Variants in ADGRV1 observed in about 807,000 individuals in gnomAD.
ADGRV1 encodes G-protein coupled receptor 98.
In ADGRV1, 359 loss-of-function variants were observed where a neutral mutation model predicts 596.2. The ratio of observed to expected loss-of-function variants is 0.60; its 90% CI spans 0.55 to 0.66. The LOEUF is 0.66. Ranked by LOEUF, ADGRV1 falls within the 30% of genes least tolerant of loss-of-function variation. The probability of loss-of-function intolerance (pLI) is 0.00; values close to 1 mark genes in which losing one functional copy is unlikely to be tolerated. For missense variants in ADGRV1, 7,274 were observed against 7,575.6 expected (o/e 0.96, Z 1.48); for synonymous variants, 2,681 against 2,679.2 (o/e 1.00, Z -0.02).
In ADGRV1 at chr5:90,720,102, G is replaced by C. The variant is rs1230887114; in HGVS notation, c.9502G>C (p.Val3168Leu). Residue 3168 changes from valine (V) to leucine (L), a missense_variant, in exon 44 of 90, where the codon GTT (valine) becomes CTT (leucine). By Grantham distance (32) the Val-to-Leu change is conservative. This residue lies in a region of ADGRV1 where 3,643 missense variants were observed against 3,809.2 expected (regional missense o/e 0.96). Transcript: ENST00000405460. The stretch of plus-strand genomic sequence containing the variant: ...GGAACCAGAAATGGATGAGTATTTT[G>C]TTTGCACCTTGTTTAATCCAACTGG... Reference protein sequence around the residue: ...DTEPEMDEYFVCTLFNPTGGA... With the variant: ...DTEPEMDEYFLCTLFNPTGGA... The C allele has an allele frequency of 6.2e-7, 1 of 1,613,584 alleles. No individual in the cohort carries two copies. The highest frequency in any genetic ancestry group is 8.5e-7 in the Non-Finnish European group (1 of 1,179,682).
chr5:91,078,843 C>T (rs1362673273), intron 86 of ADGRV1, among the ~76,000 whole-genome samples: 2 of 152,200 alleles, frequency 1.3e-5, no homozygotes, highest in Admixed American at 1.3e-4. Flanking sequence ...AGAAATAGTA[C>T]ATTATTTTAA....
At chr5:90,649,438 A>G (rs1011384198) in intron 17 of ADGRV1, among the ~76,000 whole-genome samples, 1 of 152,200 alleles carries the variant, frequency 6.6e-6, no homozygotes, top group Non-Finnish European at 1.5e-5. Context: ...ATGGTTAAAT[A>G]GTGAATGAAT....
intron 83 of ADGRV1, among the ~76,000 whole-genome samples, chr5:90,961,608 G>T (rs145333244): frequency 3.3e-5 from 5 of 151,604 alleles, no homozygotes; most frequent in African/African-American, 1.2e-4. Context: ...GGAGCACTGA[G>T]AATTGAGGTT....
At chr5:90,567,091 G>T (rs1755734296) in intron 1 of ADGRV1, among the ~76,000 whole-genome samples, 1 of 151,612 alleles carries the variant, frequency 6.6e-6, no homozygotes. Context: ...CTATTAATTT[G>T]GTACATTGCA....
At chr5:90,897,079 C>T (rs1057110674) in intron 83 of ADGRV1, among the ~76,000 whole-genome samples, 10 of 152,222 alleles carry the variant, frequency 6.6e-5, no homozygotes, top group African/African-American at 2.4e-4. Context: ...CTTATTGGCT[C>T]CTTATTGTTT....
chr5:90,842,695 G>A (rs959873835), intron 78 of ADGRV1, among the ~76,000 whole-genome samples: 3 of 152,022 alleles, frequency 2.0e-5, no homozygotes, highest in East Asian at 3.9e-4. Flanking sequence ...TCCAGCCTGG[G>A]CAACAGAGCA....
intron 86 of ADGRV1, among the ~76,000 whole-genome samples, chr5:91,075,298 A>G (rs543069457): frequency 6.6e-6 from 1 of 152,218 alleles, no homozygotes; most frequent in South Asian, 2.1e-4. Context: ...CTAAGTGACA[A>G]GATTTATTGT....
At chr5:90,714,307 G>A (rs562820954) in intron 42 of ADGRV1, among the ~76,000 whole-genome samples, 4 of 150,336 alleles carry the variant, frequency 2.7e-5, no homozygotes, top group East Asian at 1.9e-4. Flanking sequence ...CCTGTTTTTC[G>A]TATCCCTTAT....
chr5:90,692,048 TA>T (rs1354249881), intron 31 of ADGRV1, among the ~76,000 whole-genome samples: 1 of 152,212 alleles, frequency 6.6e-6, no homozygotes, highest in Non-Finnish European at 1.5e-5. Flanking sequence ...TACAAGTTCA[TA>T]AAATTTATTT....
At chr5:90,934,113 A>C (rs1230732170) in intron 83 of ADGRV1, among the ~76,000 whole-genome samples, 2 of 152,172 alleles carry the variant, frequency 1.3e-5, no homozygotes, top group Non-Finnish European at 2.9e-5. Flanking sequence ...TCTTGCTGGA[A>C]GTTGGCATAG....
chr5:90,781,466 G>A lies in ADGRV1; in HGVS notation c.13119G>A (p.Gln4373=). Residue 4373 remains glutamine (Q), a synonymous_variant, in exon 65 of 90, where the codon CAG becomes CAA. Transcript: ENST00000405460. ...YDFTIQENGL[Q]IDQPPEIGNI... The stretch of plus-strand genomic sequence containing the variant: ...TTACCATTCAAGAAAATGGACTTCA[G>A]ATAGATCAACCTCCTGAAATAGGAA... 6.2e-7 allele frequency: 1 copy of A among 1,608,882 alleles called. No homozygotes were observed. The highest frequency in any genetic ancestry group is 8.5e-7 in the Non-Finnish European group (1 of 1,177,094).
At chr5:90,592,266 A>G (rs999720673) in intron 1 of ADGRV1, among the ~76,000 whole-genome samples, 1 of 152,252 alleles carries the variant, frequency 6.6e-6, no homozygotes, top group South Asian at 2.1e-4. Context: ...TATATGTTCC[A>G]TGGAGGACTC....
At chr5:90,648,843 A>G (rs1258376079) in intron 17 of ADGRV1, among the ~76,000 whole-genome samples, 1 of 152,226 alleles carries the variant, frequency 6.6e-6, no homozygotes, top group Non-Finnish European at 1.5e-5. Flanking sequence ...AATTGCAAAA[A>G]ACATCGTCAG....
chr5:91,084,754 A>G (rs2126532524), intron 86 of ADGRV1, among the ~76,000 whole-genome samples: 1 of 152,386 alleles, frequency 6.6e-6, no homozygotes, highest in South Asian at 2.1e-4. Flanking sequence ...ATTATAAATC[A>G]TGCTACTATG....
At chr5:91,033,523 T>A (rs1010719477) in intron 85 of ADGRV1, among the ~76,000 whole-genome samples, 1 of 152,146 alleles carries the variant, frequency 6.6e-6, no homozygotes, top group African/African-American at 2.4e-5. Context: ...TGAGCAAAGA[T>A]TTTTCTGATT....
chr5:90,711,845 C>T (rs907660741), intron 41 of ADGRV1, among the ~76,000 whole-genome samples: 13 of 152,132 alleles, frequency 8.5e-5, no homozygotes, highest in Non-Finnish European at 1.8e-4. Context: ...GGTGCGATCT[C>T]GGCTCACTGC....
rs532671689 is a variant in ADGRV1, at chr5:91,041,335, A to G, written c.18153-31112A>G. ...AAAAGGATGAGTTCATGTCCTTTGC[A>G]GGGACATGGATGAAGCTGGAAACTA... On this transcript the variant is annotated intron_variant, in intron 85 of 89. Transcript: ENST00000405460. 1.3e-4 allele frequency among the ~76,000 whole-genome samples: 20 copies of G among 152,306 alleles called. No homozygotes were observed. In the East Asian group the frequency reaches 1.3e-3, roughly 10 times the overall value.
chr5:90,724,215 A>C (rs1751459734), intron 45 of ADGRV1, among the ~76,000 whole-genome samples: 1 of 152,132 alleles, frequency 6.6e-6, no homozygotes, highest in African/African-American at 2.4e-5. Context: ...TTCCCTTTAA[A>C]ATATACATTT....
At chr5:90,797,851 G>C (rs916364598) in intron 70 of ADGRV1, among the ~76,000 whole-genome samples, 1 of 151,386 alleles carries the variant, frequency 6.6e-6, no homozygotes, top group Admixed American at 6.6e-5. Flanking sequence ...CAAAATGAAG[G>C]CAGAAATAAA....
Sources: gnomAD v4.1 joint callset for allele counts (sites outside exome capture counted in the v4.1 genomes callset) on GRCh38, gnomAD v4.1.1 for gene constraint, gnomAD v4.1.1 regional missense constraint, MANE v1.5 for transcripts, NCBI Gene and HGNC (gene_info 2026-07-23, HGNC 2026-07-21) for gene names.